TNNI3K: variants seen among roughly 807,000 people sequenced by gnomAD.
The protein encoded by TNNI3K is TNNI3 interacting kinase.
In TNNI3K, 140 loss-of-function variants were observed where a neutral mutation model predicts 114.5. The observed-to-expected ratio is 1.22, with a 90% CI of 1.07 to 1.41. The LOEUF (loss-of-function observed/expected upper bound fraction) is 1.41, where lower values mean the gene tolerates loss of function less well. Among genes scored for constraint, TNNI3K ranks in the 40% most tolerant of loss-of-function variants. The pLI, the probability that TNNI3K is intolerant of heterozygous loss-of-function variation, is 0.00. For synonymous variants in TNNI3K, 347 were observed against 347.5 expected (o/e 1.00, Z 0.02); for missense variants, 1,125 against 1,007.6 (o/e 1.12, Z -1.58).
chr1:74,412,621 G>A (rs1280368467), intron 17 of TNNI3K, among the ~76,000 whole-genome samples: 2 of 152,038 alleles, frequency 1.3e-5, no homozygotes, highest in African/African-American at 4.8e-5. Flanking sequence ...TTCAATCCTT[G>A]TTTTTCTTTT....
intron 4 of TNNI3K, among the ~76,000 whole-genome samples, chr1:74,257,080 C>T (rs1655360960): frequency 6.6e-6 from 1 of 151,986 alleles, no homozygotes; most frequent in Non-Finnish European, 1.5e-5. Flanking sequence ...CTTCCTTCTT[C>T]TTTCTTTCTG....
chr1:74,451,724 TTTCTTTCTTTCTTTCTTTC>T (rs1258655058), intron 20 of TNNI3K, among the ~76,000 whole-genome samples: 103 of 73,152 alleles, frequency 1.4e-3, no homozygotes, highest in African/African-American at 5.0e-3. Flanking sequence ...TCTTTCTTTC[TTTCTTTCTTTCTTTCTTTC>T]TTTCTTTTCT....
chr1:74,368,005 G>A lies in TNNI3K; in HGVS notation c.1321+41G>A, dbSNP rs202005085. 9.4e-6 allele frequency: 14 copies of A among 1,489,356 alleles called. No individual in the cohort carries two copies. In the East Asian group the frequency reaches 3.2e-4, roughly 34 times the overall value. The allele number at this position is 1,489,356 out of a possible 1,614,324, so 92.3% of individuals were successfully genotyped here. A position where few individuals can be genotyped will look rare whatever the true frequency, so the allele number is the denominator to read the frequency against. On this transcript the variant is annotated intron_variant, in intron 13 of 24. Transcript: ENST00000326637. The stretch of plus-strand genomic sequence containing the variant: ...GACAATTGTTATATTTAATTACTAA[G>A]GATAACTATTGCTTCAAATGTAATT...
chr1:74,235,471 G>C lies in TNNI3K; in HGVS notation c.20G>C (p.Arg7Thr). 1 of 1,514,130 alleles carries C rather than the reference G, an allele frequency of 6.6e-7. No individual in the cohort carries two copies. The highest frequency in any genetic ancestry group is 1.2e-5 in the South Asian group (1 of 84,516). 93.8% of individuals were successfully genotyped at this position (1,514,130 alleles called of 1,614,324 possible). ...TAATAAATGGGAAATTATAAATCTA[G>C]ACCAACCCAAACTTGTACTGGTAAT... Reference protein sequence around the residue: MGNYKSRPTQTCTDEWK... With the variant: MGNYKSTPTQTCTDEWK... Residue 7 changes from arginine (R) to threonine (T), a missense_variant, in exon 1 of 25, where the codon AGA (arginine) becomes ACA (threonine). Physicochemically the swap from Arg to Thr is moderately conservative, Grantham distance 71. Coordinates refer to ENST00000326637, the MANE Select transcript of TNNI3K (RefSeq NM_015978.3).
intron 7 of TNNI3K, among the ~76,000 whole-genome samples, chr1:74,342,310 T>C (rs996359738): frequency 3.9e-5 from 6 of 152,156 alleles, no homozygotes; most frequent in African/African-American, 1.4e-4. Context: ...TAAATTGCTT[T>C]TCCCTTCATG....
intron 23 of TNNI3K, among the ~76,000 whole-genome samples, chr1:74,501,884 A>T (rs915664477): frequency 6.6e-6 from 1 of 152,066 alleles, no homozygotes. Flanking sequence ...TTATATATAT[A>T]TATATACATT....
intron 23 of TNNI3K, 143 bp from the exon 24 acceptor site, chr1:74,540,091 A>G: frequency 1.3e-6 from 1 of 766,470 alleles, no homozygotes; most frequent in Non-Finnish European, 2.0e-6. Context: ...ACTCTTCCCC[A>G]ACTAGTTACT....
chr1:74,235,830 A>G (rs1175716573), intron 1 of TNNI3K, among the ~76,000 whole-genome samples: 3 of 151,514 alleles, frequency 2.0e-5, no homozygotes, highest in East Asian at 3.9e-4. Context: ...GATTGCTATA[A>G]TTAAAATGCA....
intron 23 of TNNI3K, among the ~76,000 whole-genome samples, chr1:74,494,717 C>G (rs919881581): frequency 2.0e-5 from 3 of 152,196 alleles, no homozygotes; most frequent in Admixed American, 6.5e-5. Context: ...TTGGCTTTGC[C>G]ATGTACTAGC....
chr1:74,466,778 A>G (rs778789492), intron 21 of TNNI3K, among the ~76,000 whole-genome samples: 5 of 152,138 alleles, frequency 3.3e-5, no homozygotes, highest in Non-Finnish European at 5.9e-5. Flanking sequence ...GTGGCAAAGA[A>G]AAGGGAACAG....
chr1:74,422,413 A>G (rs1322048151), intron 17 of TNNI3K, among the ~76,000 whole-genome samples: 2 of 152,092 alleles, frequency 1.3e-5, no homozygotes, highest in East Asian at 3.9e-4. Flanking sequence ...GTATTATTTA[A>G]TTTCATCTTT....
At chr1:74,291,768 A>C (rs930373891) in intron 5 of TNNI3K, among the ~76,000 whole-genome samples, 1 of 151,494 alleles carries the variant, frequency 6.6e-6, no homozygotes, top group East Asian at 1.9e-4. Context: ...TTATTATCTT[A>C]AGGTTTGATG....
chr1:74,463,951 G>A (rs572911974), intron 21 of TNNI3K, among the ~76,000 whole-genome samples: 41 of 152,328 alleles, frequency 2.7e-4, no homozygotes, highest in East Asian at 1.4e-3. Flanking sequence ...CAGTAGCACT[G>A]GCTCACGTAG....
chr1:74,432,245 C>A (rs1170432780), intron 17 of TNNI3K, among the ~76,000 whole-genome samples: 1 of 152,100 alleles, frequency 6.6e-6, no homozygotes, highest in African/African-American at 2.4e-5. Flanking sequence ...TGCTGATTTG[C>A]CAGATTCAAA....
intron 11 of TNNI3K, among the ~76,000 whole-genome samples, chr1:74,361,074 A>G (rs1333008363): frequency 6.6e-6 from 1 of 152,098 alleles, no homozygotes; most frequent in Non-Finnish European, 1.5e-5. Context: ...ACTAACTGTC[A>G]CTTTTCTGTT....
At chr1:74,291,008 A>G (rs1449757797) in intron 5 of TNNI3K, among the ~76,000 whole-genome samples, 2 of 151,746 alleles carry the variant, frequency 1.3e-5, no homozygotes, top group African/African-American at 4.8e-5. Flanking sequence ...GCACACACAT[A>G]AAGAGAGAGA....
At position 74,249,448 on chromosome 1, in the gene TNNI3K, G is replaced by A; in HGVS notation, c.150-11G>A. On this transcript the variant is annotated splice_polypyrimidine_tract_variant and intron_variant, in intron 2 of 24. Transcript: ENST00000326637. ...TGAATTTTGTGATCATCTGTAACATGTTTTTTTCAGCTCTGATGAAGCCTT... is the reference window on the plus strand; with the variant it reads ...TGAATTTTGTGATCATCTGTAACATATTTTTTTCAGCTCTGATGAAGCCTT... 1 of 1,609,092 alleles carries A rather than the reference G, an allele frequency of 6.2e-7. No homozygotes were observed. Among genetic ancestry groups the A allele is most frequent in the Non-Finnish European group, 8.5e-7 (1 of 1,177,958 alleles).
At chr1:74,246,277 A>G (rs1654548005) in intron 2 of TNNI3K, among the ~76,000 whole-genome samples, 1 of 152,262 alleles carries the variant, frequency 6.6e-6, no homozygotes, top group Non-Finnish European at 1.5e-5. Flanking sequence ...CTTGGAAGAA[A>G]GTAAACTAGG....
intron 7 of TNNI3K, among the ~76,000 whole-genome samples, 179 bp from the exon 8 acceptor site, chr1:74,342,663 A>G (rs888857335): frequency 2.0e-5 from 3 of 152,156 alleles, no homozygotes; most frequent in Non-Finnish European, 4.4e-5. Context: ...GGTAGTAGGC[A>G]ATAGAATAAC....
Sources: allele counts gnomAD v4.1 joint callset (sites outside exome capture counted in the v4.1 genomes callset), GRCh38; gene constraint gnomAD v4.1.1; transcripts MANE v1.5; gene names NCBI Gene and HGNC (gene_info 2026-07-23, HGNC 2026-07-21).